RHOBTB2: variants seen among roughly 807,000 people sequenced by gnomAD.
The protein encoded by RHOBTB2 is rho-related BTB domain-containing protein 2.
A neutral mutation model predicts 66.5 loss-of-function variants in RHOBTB2; 39 were observed. The observed-to-expected ratio is 0.59, with a 90% CI of 0.45 to 0.77. The LOEUF (loss-of-function observed/expected upper bound fraction) is 0.77. RHOBTB2 is among the 30% of genes least tolerant of loss of function. The pLI is 0.00. For missense variants in RHOBTB2, 755 were observed against 999.1 expected (o/e 0.76, Z 3.29); for synonymous variants, 390 against 395.0 (o/e 0.99, Z 0.15).
intron 6 of RHOBTB2, among the ~76,000 whole-genome samples, chr8:23,010,086 C>T (rs1286877732): frequency 6.7e-6 from 1 of 148,468 alleles, no homozygotes; most frequent in African/African-American, 2.5e-5. Flanking sequence ...ACCAGAAGGC[C>T]TCCTTCAAGC....
At chr8:22,981,980 T>A in the RHOBTB2 span, among the ~76,000 whole-genome samples, 1 of 152,100 alleles carries the variant, frequency 6.6e-6, no homozygotes, top group Non-Finnish European at 1.5e-5. Flanking sequence ...CCTACCAGGA[T>A]CTTAAGGCCC....
At chr8:22,965,417 A>AAC in the RHOBTB2 span, among the ~76,000 whole-genome samples, 2 of 123,022 alleles carry the variant, frequency 1.6e-5, no homozygotes, top group Non-Finnish European at 3.9e-5. Context: ...TTTTTGCAGA[A>AAC]ATAGAAAAAA....
intron 1 of RHOBTB2, among the ~76,000 whole-genome samples, chr8:22,990,646 G>A (rs1352626466): frequency 6.6e-6 from 1 of 152,176 alleles, no homozygotes; most frequent in Non-Finnish European, 1.5e-5. Context: ...AAGATCATGT[G>A]ACCTAGAGTG....
chr8:22,995,104 AT>A (rs906879133), upstream of RHOBTB2, among the ~76,000 whole-genome samples: 16 of 151,936 alleles, frequency 1.1e-4, no homozygotes, highest in African/African-American at 3.4e-4. Flanking sequence ...TTTTTTAAAA[AT>A]TTTTTTTAAT....
At chr8:23,000,595 G>T (rs556662781) in intron 1 of RHOBTB2, among the ~76,000 whole-genome samples, 2 of 152,156 alleles carry the variant, frequency 1.3e-5, no homozygotes, top group African/African-American at 4.8e-5. Flanking sequence ...CACATTTTAG[G>T]TTTGAGGGGG....
chr8:23,011,785 A>G (rs959082639), intron 7 of RHOBTB2, among the ~76,000 whole-genome samples: 2 of 152,194 alleles, frequency 1.3e-5, no homozygotes, highest in African/African-American at 4.8e-5. Context: ...ATATTCTTGC[A>G]TAGGTCGGGG....
At chr8:22,956,665 G>C in the RHOBTB2 span, among the ~76,000 whole-genome samples, 1 of 152,108 alleles carries the variant, frequency 6.6e-6, no homozygotes, top group Non-Finnish European at 1.5e-5. Flanking sequence ...TTGTTTGTTT[G>C]TTTGTTTGTT....
the RHOBTB2 span, among the ~76,000 whole-genome samples, chr8:22,976,096 A>C: frequency 6.6e-6 from 1 of 152,292 alleles, no homozygotes; most frequent in Middle Eastern, 3.4e-3. Flanking sequence ...CAGTGAGCCA[A>C]GATCATGCCA....
At chr8:23,009,124 C>A (rs920328000) in intron 6 of RHOBTB2, among the ~76,000 whole-genome samples, 1 of 142,002 alleles carries the variant, frequency 7.0e-6, no homozygotes, top group African/African-American at 2.6e-5. Context: ...GAGTTTGAGA[C>A]CTGCCTGGGA....
At chr8:23,012,357 T>C (rs1003380840) in intron 7 of RHOBTB2, among the ~76,000 whole-genome samples, 1 of 152,250 alleles carries the variant, frequency 6.6e-6, no homozygotes, top group Non-Finnish European at 1.5e-5. Flanking sequence ...GACTGCTGCA[T>C]GGAAAGGCTT....
At chr8:23,002,327 TG>T (rs1390518656) in intron 1 of RHOBTB2, among the ~76,000 whole-genome samples, 2 of 152,178 alleles carry the variant, frequency 1.3e-5, no homozygotes, top group Non-Finnish European at 2.9e-5. Context: ...ACTGTCAAAG[TG>T]GGGTTCCCGG....
At chr8:23,001,925 C>T (rs1810798164) in intron 1 of RHOBTB2, among the ~76,000 whole-genome samples, 1 of 152,242 alleles carries the variant, frequency 6.6e-6, no homozygotes, top group Admixed American at 6.5e-5. Context: ...TCAATTTCCA[C>T]TTGTTGATTG....
At chr8:22,994,923 G>A (rs1323149063), upstream of RHOBTB2, among the ~76,000 whole-genome samples, 2 of 151,980 alleles carry the variant, frequency 1.3e-5, no homozygotes, top group East Asian at 1.9e-4. Context: ...ATGCCACCAC[G>A]CCCAGCTAAT....
chr8:22,972,928 C>A, the RHOBTB2 span, among the ~76,000 whole-genome samples: 2 of 152,206 alleles, frequency 1.3e-5, no homozygotes, highest in Non-Finnish European at 2.9e-5. Flanking sequence ...AGCCATCCTG[C>A]GATGGGTGCA....
At chr8:22,970,783 C>G in the RHOBTB2 span, among the ~76,000 whole-genome samples, 2 of 152,198 alleles carry the variant, frequency 1.3e-5, no homozygotes, top group East Asian at 3.9e-4. Flanking sequence ...AAAAACCCAT[C>G]AGTCTCATAC....
At chr8:22,969,628 C>T in the RHOBTB2 span, among the ~76,000 whole-genome samples, 5 of 151,962 alleles carry the variant, frequency 3.3e-5, no homozygotes, top group Non-Finnish European at 5.9e-5. Context: ...ATAATTTAAC[C>T]GAGATATTCT....
At chr8:22,977,571 C>CA in the RHOBTB2 span, among the ~76,000 whole-genome samples, 79,971 of 136,478 alleles carry the variant, frequency 0.59, 23,557 homozygotes, top group East Asian at 0.74. Context: ...GACCCTTTCT[C>CA]AAAAAAAAAA....
intron 8 of RHOBTB2, among the ~76,000 whole-genome samples, chr8:23,015,420 G>A (rs762471881): frequency 2.0e-5 from 3 of 152,174 alleles, no homozygotes; most frequent in Admixed American, 6.5e-5. Flanking sequence ...CAGAACAGAG[G>A]TGAGATGATG....
chr8:22,986,140 T>TTCTCTCTC (rs58840002), upstream of RHOBTB2, among the ~76,000 whole-genome samples: 90 of 148,014 alleles, frequency 6.1e-4, no homozygotes, highest in African/African-American at 2.0e-3. Context: ...GACGGTGGAC[T>TTCTCTCTC]TCTCTCTCTC....
Sources: gnomAD v4.1 joint callset for allele counts (sites outside exome capture counted in the v4.1 genomes callset) on GRCh38, gnomAD v4.1.1 for gene constraint, MANE v1.5 for transcripts, NCBI Gene and HGNC (gene_info 2026-07-23, HGNC 2026-07-21) for gene names.